TMA16: variants seen among roughly 807,000 people sequenced by gnomAD.
TMA16 encodes translation machinery-associated protein 16.
TMA16 carries 26 observed loss-of-function variants against 27.1 expected under a neutral mutation model. The observed-to-expected ratio is 0.96, with a 90% CI of 0.70 to 1.33. The LOEUF is 1.33. Among genes scored for constraint, TMA16 ranks in the 40% most tolerant of loss-of-function variants. TMA16 has a pLI of 0.00. For missense variants in TMA16, 233 were observed against 241.4 expected, an observed-to-expected ratio of 0.97 and a Z score of 0.23; for synonymous variants, 71 against 81.9, an observed-to-expected ratio of 0.87 and a Z score of 0.72.
chr4:163,507,327 A>G (rs1272536337), intron 2 of TMA16, among the ~76,000 whole-genome samples, 182 bp downstream of exon 2: 3 of 152,194 alleles, frequency 2.0e-5, no homozygotes, highest in Non-Finnish European at 4.4e-5. Context: ...CCTAAAACAG[A>G]TAAGTAATTT....
At chr4:163,514,210 C>A in intron 4 of TMA16, 52 bp downstream of exon 4, 1 of 1,429,998 alleles carries the variant, frequency 7.0e-7, no homozygotes, top group South Asian at 1.3e-5. Flanking sequence ...AATTGTCCAG[C>A]CTGGTTCTTT....
At chr4:163,509,473 T>A (rs1737761096) in intron 2 of TMA16, among the ~76,000 whole-genome samples, 1 of 152,178 alleles carries the variant, frequency 6.6e-6, no homozygotes, top group South Asian at 2.1e-4. Context: ...CTGGATCAGG[T>A]AGGAATCCCG....
chr4:163,512,813 C>T lies in TMA16; in HGVS notation c.117-9C>T. ...TTTTCTAACACATATATTTACCTTT[C>T]CTTCAAAGATTGAAGAATGAAAAGG... On this transcript the variant is annotated splice_polypyrimidine_tract_variant and intron_variant, in intron 2 of 6. Coordinates refer to ENST00000358572, the MANE Select transcript of TMA16 (RefSeq NM_018352.3). 1 of 1,594,142 alleles carries T rather than the reference C, an allele frequency of 6.3e-7. No homozygotes were observed. Among genetic ancestry groups the T allele is most frequent in the African/African-American group, 1.3e-5 (1 of 74,644 alleles).
In TMA16 at chr4:163,519,969, T is replaced by A. The variant is rs1560917969; in HGVS notation, c.*455T>A. 6.7e-6 allele frequency: 4 copies of A among 597,900 alleles called. No homozygotes were observed. Among genetic ancestry groups the A allele is most frequent in the Non-Finnish European group, 1.2e-5 (4 of 329,584 alleles). The allele number at this position is 597,900 out of a possible 1,614,324, so 37.0% of individuals were successfully genotyped here. On this transcript the variant is annotated 3_prime_UTR_variant, in exon 7 of 7. Coordinates refer to ENST00000358572, the MANE Select transcript of TMA16 (RefSeq NM_018352.3). ...CTTCTTTTAAACATTAAACCTATTT[T>A]CCTTTTTTACAGAATAAGGGAAAAT...
At chr4:163,504,819 G>A (rs1282509110) in intron 1 of TMA16, among the ~76,000 whole-genome samples, 1 of 152,140 alleles carries the variant, frequency 6.6e-6, no homozygotes, top group Non-Finnish European at 1.5e-5. Flanking sequence ...CTCTAAGCTT[G>A]CTGTTGGTAG....
chr4:163,510,881 T>C (rs1407305279), intron 2 of TMA16, among the ~76,000 whole-genome samples: 1 of 152,180 alleles, frequency 6.6e-6, no homozygotes, highest in African/African-American at 2.4e-5. Context: ...AAGAAAATAT[T>C]GTCAACCTCT....
At chr4:163,517,541 C>A (rs1737900193) in intron 6 of TMA16, 65 bp downstream of exon 6, 1 of 1,432,854 alleles carries the variant, frequency 7.0e-7, no homozygotes, top group Admixed American at 2.0e-5. Flanking sequence ...GAACTTTCTT[C>A]CCCTTTGAGT....
chr4:163,519,617 C>T lies in TMA16; in HGVS notation c.*103C>T. On this transcript the variant is annotated 3_prime_UTR_variant, in exon 7 of 7. Transcript: ENST00000358572. ...GATACAAAAATTTGATACTGACATT[C>T]TCTTATATGATGAGAGTTTCATTTG... 9.0e-7 allele frequency: 1 copy of T among 1,107,810 alleles called. No individual in the cohort carries two copies. Among genetic ancestry groups the T allele is most frequent in the Non-Finnish European group, 1.3e-6 (1 of 797,450 alleles). 68.6% of individuals were successfully genotyped at this position (1,107,810 alleles called of 1,614,324 possible). A position where few individuals can be genotyped will look rare whatever the true frequency, so the allele number is the denominator to read the frequency against.
At chr4:163,506,090 A>T (rs543299655) in intron 1 of TMA16, among the ~76,000 whole-genome samples, 1 of 152,254 alleles carries the variant, frequency 6.6e-6, no homozygotes, top group African/African-American at 2.4e-5. Context: ...GAGCAAAAGG[A>T]TCTGCAACTT....
intron 2 of TMA16, among the ~76,000 whole-genome samples, chr4:163,508,572 A>C (rs1392090271): frequency 1.3e-5 from 2 of 152,212 alleles, no homozygotes; most frequent in Non-Finnish European, 2.9e-5. Flanking sequence ...AAGACTGGTA[A>C]AACAAACCCA....
chr4:163,502,846 C>T (rs1299812409), intron 1 of TMA16, among the ~76,000 whole-genome samples: 2 of 150,942 alleles, frequency 1.3e-5, no homozygotes, highest in African/African-American at 2.4e-5. Context: ...TCCATCATTT[C>T]GATCATGTCA....
intron 1 of TMA16, among the ~76,000 whole-genome samples, chr4:163,505,423 A>G (rs1397714602): frequency 1.3e-5 from 2 of 152,234 alleles, no homozygotes; most frequent in Admixed American, 6.5e-5. Flanking sequence ...AGAGCGCTCA[A>G]TGAGTGTTGA....
At chr4:163,503,511 A>G (rs934360575) in intron 1 of TMA16, among the ~76,000 whole-genome samples, 5 of 152,206 alleles carry the variant, frequency 3.3e-5, no homozygotes, top group African/African-American at 1.2e-4. Context: ...TTTAACAGGA[A>G]TATTTAAAGC....
intron 5 of TMA16, 101 bp downstream of exon 5, chr4:163,515,562 A>T: frequency 4.4e-6 from 6 of 1,375,444 alleles, no homozygotes; most frequent in South Asian, 1.7e-5. Context: ...ATTTCATTTG[A>T]TTTTCTTCCT....
At position 163,507,113 on chromosome 4, in the gene TMA16, G is replaced by A. The variant is rs561271517; in HGVS notation, c.84G>A (p.Thr28=). 12 of 1,588,706 alleles carry A rather than the reference G, an allele frequency of 7.6e-6. No homozygotes were observed. The highest frequency in any genetic ancestry group is 5.7e-5 in the South Asian group (5 of 87,096). ...HPYSRKAAQI[T]REAHKQEKKE... ...ATAGTAGAAAAGCAGCTCAAATTAC[G>A]AGAGAGGCCCACAAACAAGAAAAAA... The change falls in exon 2 of 7, where the codon ACG becomes ACA. Residue 28 remains threonine, a synonymous_variant. Transcript: ENST00000358572.
intron 5 of TMA16, chr4:163,515,776 T>A (rs1737867450): frequency 1.0e-5 from 2 of 194,068 alleles, no homozygotes; most frequent in Admixed American, 1.1e-4. Context: ...CACATATGGA[T>A]TTCTCAAACT....
chr4:163,495,356 A>G (rs1737534479), intron 1 of TMA16, among the ~76,000 whole-genome samples: 1 of 152,266 alleles, frequency 6.6e-6, no homozygotes, highest in Non-Finnish European at 1.5e-5. Context: ...TTTCAAGTGT[A>G]AAGATGAACA....
In TMA16 at chr4:163,519,718, A is replaced by G; in HGVS notation, c.*204A>G. ...CATTTCCATTAAGTTGCTAAAATAG[A>G]TAGATGTGATCTGCAGAAGTTGTTT... On this transcript the variant is annotated 3_prime_UTR_variant, in exon 7 of 7. Coordinates refer to ENST00000358572, the MANE Select transcript of TMA16 (RefSeq NM_018352.3). The G allele has an allele frequency of 1.8e-6, 1 of 567,342 alleles. No individual in the cohort carries two copies. The highest frequency in any genetic ancestry group is 3.0e-6 in the Non-Finnish European group (1 of 334,440). The allele number at this position is 567,342 out of a possible 1,614,324, so 35.1% of individuals were successfully genotyped here.
intron 1 of TMA16, among the ~76,000 whole-genome samples, chr4:163,503,850 T>C (rs1439305049): frequency 4.6e-5 from 7 of 152,224 alleles, no homozygotes; most frequent in African/African-American, 1.7e-4. Context: ...TAGTAAATTT[T>C]ATTGTACATA....
Sources: allele counts gnomAD v4.1 joint callset (sites outside exome capture counted in the v4.1 genomes callset), GRCh38; gene constraint gnomAD v4.1.1; transcripts MANE v1.5; gene names NCBI Gene and HGNC (gene_info 2026-07-23, HGNC 2026-07-21).